Variants in RTN4RL2 observed in about 807,000 individuals in gnomAD.
The protein encoded by RTN4RL2 is reticulon-4 receptor-like 2.
Under a neutral mutation model 27.8 loss-of-function variants are expected in RTN4RL2, and 9 were observed. The ratio of observed to expected loss-of-function variants is 0.32; its 90% CI spans 0.20 to 0.57. The LOEUF (loss-of-function observed/expected upper bound fraction) is 0.57. RTN4RL2 is among the 20% of genes least tolerant of loss of function. The probability of loss-of-function intolerance (pLI) is 0.90; values close to 1 mark genes in which losing one functional copy is unlikely to be tolerated. For synonymous variants in RTN4RL2, 285 were observed against 297.9 expected (o/e 0.96, Z 0.45); for missense variants, 436 against 596.8 (o/e 0.73, Z 2.81).
In RTN4RL2 at chr11:57,476,548, C is replaced by G. The variant is rs1347378205; in HGVS notation, c.900C>G (p.Arg300=). ...TPPERQGRDL[R]ALREADFQAC... Reference sequence around the variant, plus strand: ...CGGAGCGCCAGGGCCGAGACCTGCGCGCGCTCCGCGAGGCCGACTTCCAGG... The same window carrying G: ...CGGAGCGCCAGGGCCGAGACCTGCGGGCGCTCCGCGAGGCCGACTTCCAGG... The change falls in exon 3 of 3, where the codon CGC becomes CGG. Residue 300 remains arginine (R), a synonymous_variant. Transcript: ENST00000335099. This position sits in a 1 kb window ranked among gnomAD's most constrained non-coding sequence, Gnocchi z 8.2. 7.1e-7 allele frequency: 1 copy of G among 1,402,302 alleles called. No homozygotes were observed. Among genetic ancestry groups the G allele is most frequent in the Non-Finnish European group, 9.2e-7 (1 of 1,087,066 alleles). 86.9% of individuals were successfully genotyped at this position (1,402,302 alleles called of 1,614,324 possible).
chr11:57,476,167 C>G lies in RTN4RL2; in HGVS notation c.519C>G (p.Asp173Glu). ...QENSLLHLQD[D>E]LFADLANLSH... Reference sequence around the variant, plus strand: ...CCCCACTCCACCCCACCCAGGATGACTTGTTCGCGGACCTGGCCAACCTGA... The same window carrying G: ...CCCCACTCCACCCCACCCAGGATGAGTTGTTCGCGGACCTGGCCAACCTGA... Residue 173 changes from aspartate to glutamate, a missense_variant, in exon 3 of 3, where the codon GAC (aspartate) becomes GAG (glutamate). Physicochemically the swap from Asp to Glu is conservative, Grantham distance 45. Around this residue, in one of 3 missense-constraint regions of RTN4RL2, gnomAD observed 365 missense variants for 530.5 expected, o/e 0.69. Coordinates refer to ENST00000335099, the MANE Select transcript of RTN4RL2 (RefSeq NM_178570.3). This position sits in a 1 kb window ranked among gnomAD's most constrained non-coding sequence, Gnocchi z 8.2. 1 of 1,605,138 alleles carries G rather than the reference C, an allele frequency of 6.2e-7. No homozygotes were observed. Among genetic ancestry groups the G allele is most frequent in the Non-Finnish European group, 8.5e-7 (1 of 1,174,956 alleles).
chr11:57,471,836 C>A (rs1448718813), intron 2 of RTN4RL2, among the ~76,000 whole-genome samples: 2 of 152,322 alleles, frequency 1.3e-5, no homozygotes, highest in Non-Finnish European at 2.9e-5. Context: ...TCAAGTGTAG[C>A]CAGATGATAA....
rs770681017 is a variant in RTN4RL2 at position 57,467,597 on chromosome 11, CCCT to C, written c.32-9_32-7del. 6.3e-7 allele frequency: 1 copy of C among 1,591,508 alleles called. No homozygotes were observed. The highest frequency in any genetic ancestry group is 1.3e-5 in the African/African-American group (1 of 74,568). ...AAGCCCACCTAGTAAGTTCTGCTTCCCCTCCCCACAGCTCCCGCCTCGGCCTGC... is the reference window on the plus strand; with the variant it reads ...AAGCCCACCTAGTAAGTTCTGCTTCCCCCCACAGCTCCCGCCTCGGCCTGC... On this transcript the variant is annotated splice_polypyrimidine_tract_variant and intron_variant, in intron 1 of 2. Transcript: ENST00000335099. This position sits in a 1 kb window ranked among gnomAD's most constrained non-coding sequence, Gnocchi z 5.5.
rs771539677 is a variant in RTN4RL2, at chr11:57,467,727, C to G, written c.150C>G (p.Asn50Lys). ...SPPTVSCQAN[N>K]FSSVPLSLPP... ...CCACCGTGAGCTGCCAGGCCAACAA[C>G]TTCTCCTCTGTGCCGCTGTCCCTGC... The change falls in exon 2 of 3, where the codon AAC (asparagine) becomes AAG (lysine). Residue 50 changes from asparagine (N) to lysine (K), a missense_variant. Physicochemically the swap from Asn to Lys is moderately conservative, Grantham distance 94. Transcript: ENST00000335099. The surrounding 1 kb of genome is among the most constrained non-coding windows in gnomAD (Gnocchi z 5.5). 2 of 1,613,490 alleles carry G rather than the reference C, an allele frequency of 1.2e-6. No homozygotes were observed. The highest frequency in any genetic ancestry group is 2.2e-5 in the South Asian group (2 of 91,070).
At chr11:57,464,130 G>A (rs1461081980) in intron 1 of RTN4RL2, among the ~76,000 whole-genome samples, 2 of 152,256 alleles carry the variant, frequency 1.3e-5, no homozygotes, top group Non-Finnish European at 2.9e-5. Context: ...ATCATGGGCT[G>A]GGGGAGGTGA....
chr11:57,472,358 A>C (rs1444157932), intron 2 of RTN4RL2, among the ~76,000 whole-genome samples: 1 of 151,406 alleles, frequency 6.6e-6, no homozygotes, highest in Admixed American at 6.6e-5. Context: ...AACTACAGAC[A>C]TGTGCCACCA....
chr11:57,461,204 C>T (rs1176682785), intron 1 of RTN4RL2, among the ~76,000 whole-genome samples: 1 of 152,080 alleles, frequency 6.6e-6, no homozygotes, highest in Non-Finnish European at 1.5e-5. Flanking sequence ...CCGGGGGACG[C>T]TGAGGACTCG....
At chr11:57,464,080 C>T (rs1201969223) in intron 1 of RTN4RL2, among the ~76,000 whole-genome samples, 1 of 152,250 alleles carries the variant, frequency 6.6e-6, no homozygotes, top group East Asian at 1.9e-4. Flanking sequence ...GAGGAGCCCC[C>T]AGCACGGGGT....
At chr11:57,463,200 T>C (rs1943496112) in intron 1 of RTN4RL2, among the ~76,000 whole-genome samples, 2 of 152,210 alleles carry the variant, frequency 1.3e-5, no homozygotes, top group Non-Finnish European at 2.9e-5. Flanking sequence ...CATCTGCAAA[T>C]TGGGGGCCAC....
At chr11:57,468,540 A>G in intron 2 of RTN4RL2, 2 of 1,535,742 alleles carry the variant, frequency 1.3e-6, no homozygotes, top group Non-Finnish European at 1.7e-6. Flanking sequence ...GTTTGCCTTC[A>G]GGGCACTCTG....
At position 57,467,454 on chromosome 11, in the gene RTN4RL2, T is replaced by G. The variant is rs1943534474; in HGVS notation, c.32-155T>G. On this transcript the variant is annotated intron_variant, in intron 1 of 2. Transcript: ENST00000335099. The surrounding 1 kb of genome is among the most constrained non-coding windows in gnomAD (Gnocchi z 5.5). ...GTCTCAAACTCCTGGCCTCAAGCAA[T>G]CCTCCTGCCTTGGCCTCCCAAAGTG... is the stretch of plus-strand genomic sequence containing the variant. Among the ~76,000 whole-genome samples the G allele has an allele frequency of 6.6e-6, 1 of 151,718 alleles. No individual in the cohort carries two copies. Among genetic ancestry groups the G allele is most frequent in the Non-Finnish European group, 1.5e-5 (1 of 67,948 alleles).
intron 1 of RTN4RL2, among the ~76,000 whole-genome samples, chr11:57,466,620 C>T (rs914544440): frequency 6.6e-6 from 1 of 152,132 alleles, no homozygotes; most frequent in African/African-American, 2.4e-5. Context: ...CCTTAAGGCC[C>T]CTCCCGGCAC....
In RTN4RL2 at chr11:57,476,817, GCCAGGCGCCCCCGGAC is replaced by G; in HGVS notation, c.1170_1185del (p.Gln391ProfsTer128). ...GAGCAGATGTGCCCCGGCGCTGCCT[GCCAGGCGCCCCCGGAC>G]TCCCGAGGCCCTGCGCTCTCGGCCG... On this transcript the variant is annotated frameshift_variant, in exon 3 of 3. Coordinates refer to ENST00000335099, the MANE Select transcript of RTN4RL2 (RefSeq NM_178570.3). LOFTEE classifies it high-confidence loss of function. The surrounding 1 kb of genome is among the most constrained non-coding windows in gnomAD (Gnocchi z 8.2). 1 of 1,548,642 alleles carries G rather than the reference GCCAGGCGCCCCCGGAC, an allele frequency of 6.5e-7. No homozygotes were observed. Among genetic ancestry groups the G allele is most frequent in the Non-Finnish European group, 8.7e-7 (1 of 1,153,888 alleles).
At chr11:57,474,803 G>A (rs953963562) in intron 2 of RTN4RL2, among the ~76,000 whole-genome samples, 1 of 152,186 alleles carries the variant, frequency 6.6e-6, no homozygotes, top group Admixed American at 6.5e-5. Flanking sequence ...CCCACTGGCC[G>A]TGGGCCACAC....
Position 57,476,919 on chromosome 11 carries a change from G to A in RTN4RL2, c.*8G>A, listed in dbSNP as rs763370907. 7 of 1,557,088 alleles carry A rather than the reference G, an allele frequency of 4.5e-6. No homozygotes were observed. The South Asian group carries it at 6.8e-5, about 15-fold the overall frequency. On this transcript the variant is annotated 3_prime_UTR_variant, in exon 3 of 3. Coordinates refer to ENST00000335099, the MANE Select transcript of RTN4RL2 (RefSeq NM_178570.3). This position sits in a 1 kb window ranked among gnomAD's most constrained non-coding sequence, Gnocchi z 8.2. ...GTGCCCCACCACCTCTGACTGCGGT[G>A]CTGAGATCGAAGAGGCCAGTGTCCG... is the stretch of plus-strand genomic sequence containing the variant.
At chr11:57,464,082 G>C (rs1323055743) in intron 1 of RTN4RL2, among the ~76,000 whole-genome samples, 1 of 152,258 alleles carries the variant, frequency 6.6e-6, no homozygotes. Context: ...GGAGCCCCCA[G>C]CACGGGGTCG....
intron 2 of RTN4RL2, among the ~76,000 whole-genome samples, chr11:57,472,520 G>T (rs1943569358): frequency 2.0e-5 from 3 of 152,150 alleles, no homozygotes; most frequent in Admixed American, 6.6e-5. Context: ...TGGCCTGAAT[G>T]GTTTAAAAAT....
In RTN4RL2 at chr11:57,476,278, G is replaced by C; in HGVS notation, c.630G>C (p.Leu210=). The change falls in exon 3 of 3, where the codon CTG becomes CTC. Residue 210 remains leucine (L), a synonymous_variant. Transcript: ENST00000335099. The surrounding 1 kb of genome is among the most constrained non-coding windows in gnomAD (Gnocchi z 8.2). The part of the protein sequence containing the change: ...RGLGSLDRLL[L]HGNRLQGVHR... The stretch of plus-strand genomic sequence containing the variant: ...TGGGCAGCCTGGACCGGCTGCTGCT[G>C]CACGGGAACCGGCTGCAGGGCGTGC... 6.2e-7 allele frequency: 1 copy of C among 1,612,290 alleles called. No homozygotes were observed. The highest frequency in any genetic ancestry group is 8.5e-7 in the Non-Finnish European group (1 of 1,179,502).
At chr11:57,463,839 C>G (rs1943502255) in intron 1 of RTN4RL2, among the ~76,000 whole-genome samples, 1 of 152,024 alleles carries the variant, frequency 6.6e-6, no homozygotes, top group African/African-American at 2.4e-5. Context: ...AGGCACAGCT[C>G]TCTAGTCCCC....
Sources: gnomAD v4.1 joint callset for allele counts (sites outside exome capture counted in the v4.1 genomes callset) on GRCh38, gnomAD v4.1.1 for gene constraint, gnomAD v4.1.1 regional missense constraint, Gnocchi (gnomAD v3.1) non-coding constraint, MANE v1.5 for transcripts, NCBI Gene and HGNC (gene_info 2026-07-23, HGNC 2026-07-21) for gene names.